ERBB4: variants seen among roughly 807,000 people sequenced by gnomAD.
The protein encoded by ERBB4 is receptor tyrosine-protein kinase erbB-4.
Under a neutral mutation model 158.0 loss-of-function variants are expected in ERBB4, and 42 were observed. The ratio of observed to expected loss-of-function variants is 0.27; its 90% CI spans 0.21 to 0.34. ERBB4 has a LOEUF of 0.34. Among genes scored for constraint, ERBB4 ranks in the 10% least tolerant of loss-of-function variants. The pLI is 1.00. For synonymous variants in ERBB4, 583 were observed against 558.7 expected (o/e 1.04, Z -0.61); for missense variants, 1,333 against 1,624.1 (o/e 0.82, Z 3.08).
At chr2:212,475,653 A>C (rs753454647) in intron 1 of ERBB4, among the ~76,000 whole-genome samples, 7 of 152,168 alleles carry the variant, frequency 4.6e-5, no homozygotes, top group Non-Finnish European at 8.8e-5. Flanking sequence ...TTATTTCACA[A>C]CTAAGCTAGT....
chr2:211,567,028 G>A (rs1263466897), intron 19 of ERBB4, among the ~76,000 whole-genome samples: 1 of 152,176 alleles, frequency 6.6e-6, no homozygotes, highest in African/African-American at 2.4e-5. Context: ...TCCATCGAAT[G>A]TGTGCTTCTA....
chr2:211,400,077 A>T (rs4673614), intron 25 of ERBB4, among the ~76,000 whole-genome samples: 45,943 of 152,006 alleles, frequency 0.3, 7,094 homozygotes, highest in South Asian at 0.53. Context: ...ACAGAGTATG[A>T]GTCTCTGAGA....
intron 2 of ERBB4, among the ~76,000 whole-genome samples, chr2:211,951,912 C>A (rs2080885176): frequency 6.6e-6 from 1 of 151,952 alleles, no homozygotes. Context: ...ATAAGTTGGT[C>A]CATAGTAAAT....
chr2:212,241,242 G>C (rs2084092560), intron 1 of ERBB4, among the ~76,000 whole-genome samples: 1 of 151,790 alleles, frequency 6.6e-6, no homozygotes, highest in Non-Finnish European at 1.5e-5. Context: ...GGGTGAGAGA[G>C]TGAGGCCCTG....
At chr2:211,933,157 T>C (rs183688238) in intron 3 of ERBB4, among the ~76,000 whole-genome samples, 18 of 152,170 alleles carry the variant, frequency 1.2e-4, no homozygotes, top group Middle Eastern at 3.4e-3. Flanking sequence ...CTGAGCACCA[T>C]AGGACTGCAT....
chr2:212,353,909 C>T (rs1487632465), intron 1 of ERBB4, among the ~76,000 whole-genome samples: 4 of 152,144 alleles, frequency 2.6e-5, no homozygotes, highest in African/African-American at 7.2e-5. Context: ...CTCCTTAATT[C>T]CTTTCTTCTT....
At position 212,373,835 on chromosome 2, in the gene ERBB4, A is replaced by G. The variant is rs559174995; in HGVS notation, c.82+164614T>C. Among the ~76,000 whole-genome samples, 289 of 116,532 alleles carry G rather than the reference A, an allele frequency of 2.5e-3. 13 individuals are homozygous for G. Among genetic ancestry groups the G allele is most frequent in the Admixed American group, 0.02 (232 of 11,782 alleles). 76.4% of individuals were successfully genotyped at this position (116,532 alleles called of 152,430 possible). ...TCCATGTATATATCCATATATATATATATCCATGTATATATCCATGTATAT... is the reference window on the plus strand; with the variant it reads ...TCCATGTATATATCCATATATATATGTATCCATGTATATATCCATGTATAT... On this transcript the variant is annotated intron_variant, in intron 1 of 27. Transcript: ENST00000342788.
intron 3 of ERBB4, among the ~76,000 whole-genome samples, chr2:211,942,346 ATTT>A (rs1234727179): frequency 1.3e-5 from 2 of 150,344 alleles, no homozygotes; most frequent in Non-Finnish European, 3.0e-5. Flanking sequence ...TTATTTATTT[ATTT>A]ATTTATTTAT....
At chr2:212,219,456 A>C (rs2083217484) in intron 1 of ERBB4, among the ~76,000 whole-genome samples, 2 of 151,432 alleles carry the variant, frequency 1.3e-5, no homozygotes, top group African/African-American at 4.8e-5. Context: ...TTAATAAAAA[A>C]TAATAAGATT....
At chr2:212,470,460 G>A (rs1689062387) in intron 1 of ERBB4, among the ~76,000 whole-genome samples, 1 of 152,064 alleles carries the variant, frequency 6.6e-6, no homozygotes, top group Non-Finnish European at 1.5e-5. Flanking sequence ...ATGAGACCTG[G>A]GCCAATCAGA....
intron 3 of ERBB4, among the ~76,000 whole-genome samples, chr2:211,814,466 T>G (rs895164022): frequency 8.5e-5 from 13 of 152,156 alleles, no homozygotes; most frequent in Admixed American, 7.9e-4. Flanking sequence ...TGTAGCAAAT[T>G]GCACAGAAAA....
chr2:212,190,380 C>CA lies in ERBB4; in HGVS notation c.83-65478dup, dbSNP rs576233864. Among the ~76,000 whole-genome samples the CA allele has an allele frequency of 1.1e-4, 17 of 151,886 alleles. No individual in the cohort carries two copies. In the East Asian group the frequency reaches 1.6e-3, roughly 14 times the overall value. On this transcript the variant is annotated intron_variant, in intron 1 of 27. Coordinates refer to ENST00000342788, the MANE Select transcript of ERBB4 (RefSeq NM_005235.3). ...TGAAACCCCGTCTCTACTGAAAATA[C>CA]AAAAAAATTAGCCGGGCGTGGTGGC...
At position 211,578,411 on chromosome 2, in the gene ERBB4, T is replaced by C. The variant is rs901061537; in HGVS notation, c.2302-16323A>G. 2.0e-5 allele frequency among the ~76,000 whole-genome samples: 3 copies of C among 152,188 alleles called. No individual in the cohort carries two copies. The East Asian group carries it at 5.8e-4, about 29-fold the overall frequency. The stretch of plus-strand genomic sequence containing the variant: ...ATTTATAGATTCAACGTTATTCCCA[T>C]TAAACTACCATTGACATTATCCACA... On this transcript the variant is annotated intron_variant, in intron 19 of 27. Transcript: ENST00000342788.
intron 2 of ERBB4, among the ~76,000 whole-genome samples, chr2:212,115,423 G>A (rs1203202119): frequency 1.3e-5 from 2 of 151,700 alleles, no homozygotes; most frequent in East Asian, 3.9e-4. Context: ...TTGAAATTTT[G>A]AAGAAAAAAA....
At chr2:212,447,844 TTGG>T in intron 1 of ERBB4, among the ~76,000 whole-genome samples, 1 of 151,750 alleles carries the variant, frequency 6.6e-6, no homozygotes, top group Admixed American at 6.6e-5. Flanking sequence ...TTCTTCAACA[TTGG>T]TCTTCAAACT....
In ERBB4 at chr2:211,441,846, C is replaced by A. The variant is rs1048752288; in HGVS notation, c.2488-10746G>T. On this transcript the variant is annotated intron_variant, in intron 20 of 27. Transcript: ENST00000342788. ...CTATTCTTGAGTCCCTAGTAACAAACAAACAGTCTCCTTAAAAATCTTCAG... is the reference window on the plus strand; with the variant it reads ...CTATTCTTGAGTCCCTAGTAACAAAAAAACAGTCTCCTTAAAAATCTTCAG... Among the ~76,000 whole-genome samples, 3 of 152,124 alleles carry A rather than the reference C, an allele frequency of 2.0e-5. No homozygotes were observed. The East Asian group carries it at 5.8e-4, about 29-fold the overall frequency.
chr2:211,850,475 G>A (rs1379351198), intron 3 of ERBB4, among the ~76,000 whole-genome samples: 1 of 151,722 alleles, frequency 6.6e-6, no homozygotes, highest in African/African-American at 2.4e-5. Context: ...AGAGAACAAA[G>A]GTAATTAGAT....
At chr2:211,669,933 T>C (rs1277374237) in intron 14 of ERBB4, among the ~76,000 whole-genome samples, 1 of 152,222 alleles carries the variant, frequency 6.6e-6, no homozygotes, top group East Asian at 1.9e-4. Flanking sequence ...GAGAAAGTGA[T>C]AGCATGCTTC....
chr2:212,360,508 T>A (rs1208766113), intron 1 of ERBB4, among the ~76,000 whole-genome samples: 1 of 151,698 alleles, frequency 6.6e-6, no homozygotes, highest in East Asian at 1.9e-4. Context: ...TCTTTTTTCC[T>A]CGGGACTCTT....
Sources: gnomAD v4.1 joint callset for allele counts (sites outside exome capture counted in the v4.1 genomes callset) on GRCh38, gnomAD v4.1.1 for gene constraint, MANE v1.5 for transcripts, NCBI Gene and HGNC (gene_info 2026-07-23, HGNC 2026-07-21) for gene names.